The following UTP4 variants were observed in gnomAD, a reference collection of about 807,000 sequenced individuals.
The protein encoded by UTP4 is U3 small nucleolar RNA-associated protein 4 homolog.
A neutral mutation model predicts 82.4 loss-of-function variants in UTP4; 45 were observed. That is an observed-to-expected ratio of 0.55 (90% CI 0.43 to 0.70). The LOEUF is 0.70. UTP4 is among the 30% of genes least tolerant of loss of function. The pLI is 0.00. For synonymous variants in UTP4, 348 were observed against 300.3 expected (o/e 1.16, Z -1.64); for missense variants, 819 against 858.3 (o/e 0.95, Z 0.57).
chr16:69,141,277 G>A (rs1962952085), intron 5 of UTP4, among the ~76,000 whole-genome samples: 4 of 152,146 alleles, frequency 2.6e-5, no homozygotes, highest in Admixed American at 2.6e-4. Context: ...TTCTCTATCG[G>A]ATAGGATCTC....
intron 10 of UTP4, 110 bp from the exon 11 acceptor site, chr16:69,155,761 A>G: frequency 9.2e-7 from 1 of 1,090,902 alleles, no homozygotes; most frequent in Admixed American, 1.7e-5. Flanking sequence ...GATTATGTGT[A>G]GATATCTGTG....
intron 12 of UTP4, among the ~76,000 whole-genome samples, chr16:69,159,882 G>A (rs1963519433): frequency 6.6e-6 from 1 of 151,988 alleles, no homozygotes; most frequent in Non-Finnish European, 1.5e-5. Context: ...CAGCTAGTCA[G>A]GAGGCTGAGG....
At chr16:69,152,417 C>G (rs998525116) in intron 8 of UTP4, among the ~76,000 whole-genome samples, 6 of 151,168 alleles carry the variant, frequency 4.0e-5, no homozygotes, top group African/African-American at 1.5e-4. Flanking sequence ...TCCCGAGTTG[C>G]TGGAGCTGCA....
chr16:69,155,810 C>A, intron 10 of UTP4, 61 bp from the exon 11 acceptor site: 1 of 1,599,836 alleles, frequency 6.3e-7, no homozygotes, highest in Non-Finnish European at 8.6e-7. Flanking sequence ...GCGTCATGTC[C>A]CAGTGCACCT....
chr16:69,154,981 A>G (rs1455959121), intron 10 of UTP4, among the ~76,000 whole-genome samples: 2 of 152,068 alleles, frequency 1.3e-5, no homozygotes, highest in African/African-American at 4.8e-5. Flanking sequence ...TGGCCTCCCA[A>G]AGTGCTGGGA....
intron 5 of UTP4, among the ~76,000 whole-genome samples, chr16:69,141,762 G>C (rs1962965050): frequency 1.3e-5 from 2 of 148,662 alleles, no homozygotes; most frequent in Admixed American, 1.3e-4. Context: ...CTTTTTTTTC[G>C]TGAATCTTCT....
intron 5 of UTP4, among the ~76,000 whole-genome samples, chr16:69,142,940 C>T (rs1171437133): frequency 6.6e-6 from 1 of 152,116 alleles, no homozygotes; most frequent in African/African-American, 2.4e-5. Context: ...TTTGGAGTTC[C>T]GAGATCAGGT....
At position 69,133,551 on chromosome 16, in the gene UTP4, T is replaced by A. The variant is rs775944744; in HGVS notation, c.92T>A (p.Leu31Ter). 1 of 1,614,052 alleles carries A rather than the reference T, an allele frequency of 6.2e-7. No individual in the cohort carries two copies. The highest frequency in any genetic ancestry group is 1.1e-5 in the South Asian group (1 of 91,080). ...GCTTACAATAACCAGTCAAACAGAT[T>A]GGCTGTTTCACGAACAGATGGCACT... ...CVAYNNQSNR[L>*]AVSRTDGTVE... The change falls in exon 2 of 17, where the codon TTG becomes TAG. Residue 31 changes from leucine to a stop codon, truncating the protein, a stop_gained. Coordinates refer to ENST00000314423, the MANE Select transcript of UTP4 (RefSeq NM_032830.3). LOFTEE classifies it high-confidence loss of function.
intron 5 of UTP4, 100 bp from the exon 6 acceptor site, chr16:69,143,078 A>G: frequency 1.5e-6 from 2 of 1,291,768 alleles, no homozygotes; most frequent in South Asian, 2.4e-5. Context: ...GGCTGGCCTT[A>G]AACTCCAGGG....
Position 69,165,482 on chromosome 16 carries a change from C to T in UTP4, c.1789C>T (p.Leu597Phe). The T allele has an allele frequency of 6.2e-7, 1 of 1,614,134 alleles. No individual in the cohort carries two copies. The highest frequency in any genetic ancestry group is 8.5e-7 in the Non-Finnish European group (1 of 1,179,960). ...SFHPKRPMHILLHDAYMFCII... is the reference protein window; with the variant it reads ...SFHPKRPMHIFLHDAYMFCII... ...TCATCCCAAGAGACCGATGCACATC[C>T]TTCTCCATGATGCCTACATGTTCTG... The change falls in exon 15 of 17, where the codon CTT (leucine) becomes TTT (phenylalanine). Residue 597 changes from leucine (L) to phenylalanine (F), a missense_variant. Physicochemically the swap from Leu to Phe is conservative, Grantham distance 22. Transcript: ENST00000314423.
chr16:69,159,727 C>T, intron 12 of UTP4, among the ~76,000 whole-genome samples: 1 of 151,540 alleles, frequency 6.6e-6, no homozygotes, highest in East Asian at 2.0e-4. Flanking sequence ...GTGGCTCACG[C>T]CTGTAATCCC....
chr16:69,150,648 C>T lies in UTP4; in HGVS notation c.850C>T (p.Gln284Ter). The T allele has an allele frequency of 6.2e-7, 1 of 1,614,224 alleles. No individual in the cohort carries two copies. The highest frequency in any genetic ancestry group is 8.5e-7 in the Non-Finnish European group (1 of 1,180,036). Residue 284 changes from glutamine (Q) to a stop codon, truncating the protein, a stop_gained, in exon 7 of 17, where the codon CAG becomes TAG. Transcript: ENST00000314423. LOFTEE classifies it high-confidence loss of function. Reference sequence around the variant, plus strand: ...GCAGTGGGTGCGGACAAAACCGTTCCAGCATCACACTCATGACGTGCGCAC... The same window carrying T: ...GCAGTGGGTGCGGACAAAACCGTTCTAGCATCACACTCATGACGTGCGCAC... Reference protein sequence around the residue: ...EKQWVRTKPFQHHTHDVRTVA... With the variant: ...EKQWVRTKPF
intron 12 of UTP4, 68 bp from the exon 13 acceptor site, chr16:69,160,288 C>A: frequency 1.6e-6 from 2 of 1,232,992 alleles, no homozygotes; most frequent in Non-Finnish European, 2.4e-6. Flanking sequence ...CTTTTGCCAT[C>A]ATCTCCAGGG....
chr16:69,152,850 C>T (rs951937060), intron 8 of UTP4, among the ~76,000 whole-genome samples: 21 of 152,076 alleles, frequency 1.4e-4, no homozygotes, highest in Non-Finnish European at 2.8e-4. Context: ...TCTCAAACTC[C>T]TGGTCTCAAG....
chr16:69,137,727 G>T (rs1048814262), intron 3 of UTP4, 74 bp from the exon 4 acceptor site: 200 of 804,074 alleles, frequency 2.5e-4, no homozygotes, highest in Middle Eastern at 8.1e-4. Context: ...TGTGTTGGGG[G>T]GTGTGTGTGT....
At position 69,136,846 on chromosome 16, in the gene UTP4, A is replaced by G. The variant is rs1567600101; in HGVS notation, c.310A>G (p.Ile104Val). 1.9e-6 allele frequency: 3 copies of G among 1,614,138 alleles called. No homozygotes were observed. The highest frequency in any genetic ancestry group is 2.5e-6 in the Non-Finnish European group (3 of 1,180,016). Residue 104 changes from isoleucine (I) to valine (V), a missense_variant, in exon 3 of 17, where the codon ATT becomes GTT. By Grantham distance (29) the Ile-to-Val change is conservative (BLOSUM62 3). Coordinates refer to ENST00000314423, the MANE Select transcript of UTP4 (RefSeq NM_032830.3). ...KYAMDAFGGP[I>V]WSMAASPSGS... ...TGCTATGGATGCCTTTGGAGGACCTATTTGGAGCATGGCTGCCAGCCCCAG... is the reference window on the plus strand; with the variant it reads ...TGCTATGGATGCCTTTGGAGGACCTGTTTGGAGCATGGCTGCCAGCCCCAG...
intron 14 of UTP4, among the ~76,000 whole-genome samples, chr16:69,164,403 T>C (rs1963644504): frequency 6.6e-6 from 1 of 152,078 alleles, no homozygotes; most frequent in Non-Finnish European, 1.5e-5. Flanking sequence ...AAGTTTTTTA[T>C]ATCTGTTAGA....
chr16:69,141,602 A>T (rs771449351), intron 5 of UTP4, among the ~76,000 whole-genome samples: 1 of 152,016 alleles, frequency 6.6e-6, no homozygotes, highest in East Asian at 1.9e-4. Flanking sequence ...GGTTCTTCTA[A>T]TCCAATACCC....
At position 69,157,196 on chromosome 16, in the gene UTP4, C is replaced by T. The variant is rs746745346; in HGVS notation, c.1400C>T (p.Ser467Leu). 1.2e-6 allele frequency: 2 copies of T among 1,614,178 alleles called. No homozygotes were observed. Among genetic ancestry groups the T allele is most frequent in the Non-Finnish European group, 1.7e-6 (2 of 1,180,036 alleles). The change falls in exon 12 of 17, where the codon TCA (serine) becomes TTA (leucine). Residue 467 changes from serine (S) to leucine (L), a missense_variant. Ser to Leu is a moderately radical substitution (Grantham distance 145). Coordinates refer to ENST00000314423, the MANE Select transcript of UTP4 (RefSeq NM_032830.3). ...NQGALHIVQL[S>L]GGSFKHLHAF... is the part of the protein sequence containing the mutation. Reference sequence around the variant, plus strand: ...GGAGCTCTGCATATTGTTCAGCTGTCAGGAGGAAGCTTCAAGCACCTGCAT... The same window carrying T: ...GGAGCTCTGCATATTGTTCAGCTGTTAGGAGGAAGCTTCAAGCACCTGCAT...
Sources: gnomAD v4.1 joint callset for allele counts (sites outside exome capture counted in the v4.1 genomes callset) on GRCh38, gnomAD v4.1.1 for gene constraint, MANE v1.5 for transcripts, NCBI Gene and HGNC (gene_info 2026-07-23, HGNC 2026-07-21) for gene names.